The following BRI3 variants were observed in gnomAD, a reference collection of about 807,000 sequenced individuals.
BRI3 encodes the protein membrane protein BRI3.
A neutral mutation model predicts 12.8 loss-of-function variants in BRI3; 6 were observed. The ratio of observed to expected loss-of-function variants is 0.47; its 90% confidence interval spans 0.26 to 0.93. BRI3 has a LOEUF of 0.93. BRI3 is among the 40% of genes least tolerant of loss of function. BRI3 has a pLI of 0.15. For missense variants in BRI3, 134 were observed against 171.1 expected (o/e 0.78, Z 1.21); for synonymous variants, 91 against 76.1 (o/e 1.20, Z -1.02).
rs985274972 is a variant in BRI3, at chr7:98,282,430, C to G, written c.222C>G (p.Val74=). The change falls in exon 2 of 3, where the codon GTC becomes GTG. Residue 74 remains valine, a synonymous_variant. Transcript: ENST00000297290. ...GCTATCCTGCCAACTCTATCGTGGTCGTAGGAGGCTGTCCTGTCTGCAGGT... is the reference window on the plus strand; with the variant it reads ...GCTATCCTGCCAACTCTATCGTGGTGGTAGGAGGCTGTCCTGTCTGCAGGT... ...VTRYPANSIV[V]VGGCPVCRVG... The G allele has an allele frequency of 7.4e-6, 12 of 1,613,916 alleles. No homozygotes were observed. Among genetic ancestry groups the G allele is most frequent in the African/African-American group, 1.3e-5 (1 of 74,932 alleles).
intron 2 of BRI3, among the ~76,000 whole-genome samples, chr7:98,290,236 C>T (rs1363991130): frequency 1.5e-4 from 21 of 139,424 alleles, no homozygotes; most frequent in East Asian, 9.0e-4. Flanking sequence ...TCGCCCAGGC[C>T]GGACTGTGGA....
upstream of BRI3, among the ~76,000 whole-genome samples, chr7:98,301,685 G>A (rs907021429): frequency 3.9e-5 from 6 of 152,156 alleles, no homozygotes; most frequent in South Asian, 2.1e-4. Context: ...GTGCACACGC[G>A]CGTCTGTGTG....
At chr7:98,295,314 G>A (rs1033995770), downstream of BRI3, among the ~76,000 whole-genome samples, 1 of 152,084 alleles carries the variant, frequency 6.6e-6, no homozygotes, top group Non-Finnish European at 1.5e-5. Flanking sequence ...AGATCCCCTG[G>A]GCAGGGCATC....
At chr7:98,311,095 T>C (rs949538183), downstream of BRI3, among the ~76,000 whole-genome samples, 1 of 152,212 alleles carries the variant, frequency 6.6e-6, no homozygotes, top group African/African-American at 2.4e-5. Context: ...AAACTACAAA[T>C]GTGTGAATTC....
downstream of BRI3, chr7:98,292,797 C>G: frequency 6.5e-7 from 1 of 1,539,200 alleles, no homozygotes; most frequent in Non-Finnish European, 8.8e-7. Context: ...GACTCCGACG[C>G]CCAGGCCTGT....
At chr7:98,322,122 T>C in the BRI3 span, among the ~76,000 whole-genome samples, 1 of 151,836 alleles carries the variant, frequency 6.6e-6, no homozygotes, top group African/African-American at 2.4e-5. Context: ...GGAATTCTAG[T>C]GGGGAACTGA....
intron 1 of BRI3, 88 bp from the exon 2 acceptor site, chr7:98,282,263 G>T (rs887102154): frequency 1.5e-5 from 17 of 1,167,154 alleles, no homozygotes; most frequent in Admixed American, 2.1e-5. Context: ...TTTTAGCGGG[G>T]TGGAGGTTGA....
At chr7:98,307,003 G>C (rs1054331162) in intron 1 of BRI3, 1 of 160,506 alleles carries the variant, frequency 6.2e-6, no homozygotes, top group African/African-American at 2.4e-5. Context: ...AGGAAGGCTT[G>C]TGCACATAAT....
At chr7:98,312,644 T>C (rs1228749969), downstream of BRI3, among the ~76,000 whole-genome samples, 1 of 152,148 alleles carries the variant, frequency 6.6e-6, no homozygotes, top group Admixed American at 6.5e-5. Context: ...CCACTCCTAC[T>C]AAAAGCAGCA....
chr7:98,306,654 G>A, exon 1 of BRI3: 1 of 1,265,328 alleles, frequency 7.9e-7, no homozygotes, highest in Non-Finnish European at 1.1e-6. Flanking sequence ...ATGAAATTAA[G>A]GCTTTTAATA....
upstream of BRI3, among the ~76,000 whole-genome samples, chr7:98,305,183 G>A (rs775166306): frequency 6.6e-5 from 10 of 150,474 alleles, no homozygotes; most frequent in Non-Finnish European, 1.3e-4. Flanking sequence ...GAGCCCCTGC[G>A]CCTGGCCAAA....
chr7:98,299,695 T>C (rs955968573), intron 1 of BRI3, among the ~76,000 whole-genome samples: 8 of 152,334 alleles, frequency 5.3e-5, no homozygotes, highest in Non-Finnish European at 8.8e-5. Context: ...CTATTTTGTA[T>C]GATCTATTCC....
chr7:98,287,740 C>T (rs945311613), intron 2 of BRI3, among the ~76,000 whole-genome samples: 8 of 152,212 alleles, frequency 5.3e-5, no homozygotes, highest in East Asian at 1.9e-4. Flanking sequence ...GTCCCAGGCG[C>T]GAGCAGCAGC....
chr7:98,322,235 G>A, the BRI3 span, among the ~76,000 whole-genome samples: 4 of 152,112 alleles, frequency 2.6e-5, no homozygotes, highest in Non-Finnish European at 5.9e-5. Flanking sequence ...CCATACAAAT[G>A]ACCCTATCAT....
downstream of BRI3, among the ~76,000 whole-genome samples, chr7:98,297,752 G>A (rs1041257940): frequency 6.6e-6 from 1 of 152,232 alleles, no homozygotes; most frequent in Admixed American, 6.5e-5. Flanking sequence ...ATGTTGTGAC[G>A]CAAACGAAGA....
chr7:98,308,606 T>G (rs1039530461), exon 2 of BRI3: 3 of 252,838 alleles, frequency 1.2e-5, no homozygotes, highest in African/African-American at 6.6e-5. Context: ...GGCTGTGCTG[T>G]TCATGTCTCC....
chr7:98,317,542 G>A, the BRI3 span, among the ~76,000 whole-genome samples: 1 of 149,178 alleles, frequency 6.7e-6, no homozygotes, highest in African/African-American at 2.5e-5. Flanking sequence ...GCTGGCCGGG[G>A]TCCCATGCCC....
chr7:98,282,222 C>A, intron 1 of BRI3, 129 bp from the exon 2 acceptor site: 1 of 888,130 alleles, frequency 1.1e-6, no homozygotes, highest in East Asian at 2.7e-5. Context: ...CCCGCGGTGG[C>A]CGTCCCGAGG....
chr7:98,284,146 C>T (rs1400490413), intron 2 of BRI3, among the ~76,000 whole-genome samples: 2 of 152,254 alleles, frequency 1.3e-5, no homozygotes, highest in African/African-American at 4.8e-5. Context: ...CTGCTCTCTG[C>T]CTCTGGGCAG....
Sources: gnomAD v4.1 joint callset for allele counts (sites outside exome capture counted in the v4.1 genomes callset) on GRCh38, gnomAD v4.1.1 for gene constraint, MANE v1.5 for transcripts, NCBI Gene and HGNC (gene_info 2026-07-23, HGNC 2026-07-21) for gene names.